Variants in TBL1XR1 observed in about 807,000 individuals in gnomAD.
TBL1XR1 encodes the protein TBL1X/Y related 1.
In TBL1XR1, 5 loss-of-function variants were observed where a neutral mutation model predicts 66.9. The ratio of observed to expected loss-of-function variants is 0.07; its 90% CI spans 0.04 to 0.16. The LOEUF is 0.16. Among genes scored for constraint, TBL1XR1 ranks in the 10% least tolerant of loss-of-function variants. The pLI is 1.00. For synonymous variants in TBL1XR1, 210 were observed against 206.0 expected (o/e 1.02, Z -0.17); for missense variants, 238 against 623.2 (o/e 0.38, Z 6.58).
At chr3:177,122,830 A>T (rs1397425810) in intron 1 of TBL1XR1, among the ~76,000 whole-genome samples, 1 of 152,130 alleles carries the variant, frequency 6.6e-6, no homozygotes, top group East Asian at 1.9e-4. Flanking sequence ...AATGAGCATC[A>T]ACAGTATCTT....
chr3:177,111,150 A>C (rs1725509332), intron 1 of TBL1XR1, among the ~76,000 whole-genome samples: 1 of 152,126 alleles, frequency 6.6e-6, no homozygotes, highest in South Asian at 2.1e-4. Context: ...TCTCCCTACT[A>C]TCATCACCAT....
chr3:177,188,601 G>A (rs1486818406), intron 1 of TBL1XR1, among the ~76,000 whole-genome samples: 1 of 152,060 alleles, frequency 6.6e-6, no homozygotes, highest in Non-Finnish European at 1.5e-5. Context: ...GACCCTTGCA[G>A]CCCAGAGTTT....
chr3:177,192,973 T>C (rs1280531685), intron 1 of TBL1XR1, among the ~76,000 whole-genome samples: 3 of 151,914 alleles, frequency 2.0e-5, no homozygotes, highest in Admixed American at 6.6e-5. Flanking sequence ...GCCAACATGC[T>C]GAAACCCCAT....
chr3:177,116,378 G>A (rs1726313148), intron 1 of TBL1XR1, among the ~76,000 whole-genome samples: 1 of 152,074 alleles, frequency 6.6e-6, no homozygotes, highest in African/African-American at 2.4e-5. Flanking sequence ...CTGTAAGTAA[G>A]CACTAAGCAC....
chr3:177,187,049 C>T (rs903165414), intron 1 of TBL1XR1, among the ~76,000 whole-genome samples: 1 of 152,030 alleles, frequency 6.6e-6, no homozygotes, highest in Non-Finnish European at 1.5e-5. Context: ...CCCCTGCAGT[C>T]CCAGCTACTC....
intron 1 of TBL1XR1, among the ~76,000 whole-genome samples, chr3:177,129,713 C>A (rs1728057314): frequency 6.6e-6 from 1 of 152,020 alleles, no homozygotes; most frequent in Non-Finnish European, 1.5e-5. Context: ...AAAAAAAGTA[C>A]AAGATACCGT....
chr3:177,148,583 C>T (rs942034001), intron 1 of TBL1XR1, among the ~76,000 whole-genome samples: 7 of 151,882 alleles, frequency 4.6e-5, no homozygotes, highest in African/African-American at 1.5e-4. Flanking sequence ...AGCATGGTGC[C>T]GCATGCCTGT....
chr3:177,139,016 TTAAC>T (rs1197991697), intron 1 of TBL1XR1, among the ~76,000 whole-genome samples: 39 of 152,202 alleles, frequency 2.6e-4, no homozygotes, highest in African/African-American at 8.9e-4. Flanking sequence ...GAAACATACT[TTAAC>T]TAACAATACT....
At chr3:177,025,880 C>T (rs1373564883) in intron 15 of TBL1XR1, 4 of 299,628 alleles carry the variant, frequency 1.3e-5, no homozygotes, top group African/African-American at 8.9e-5. Flanking sequence ...TAAATAGCTA[C>T]CCTTTTCCCA....
chr3:177,200,130 G>A (rs1392812486), upstream of TBL1XR1, among the ~76,000 whole-genome samples: 2 of 152,018 alleles, frequency 1.3e-5, no homozygotes, highest in East Asian at 1.9e-4. Context: ...GCACCACCAC[G>A]CCTGGCTAAT....
At chr3:177,119,255 G>A (rs1726694817) in intron 1 of TBL1XR1, among the ~76,000 whole-genome samples, 1 of 152,160 alleles carries the variant, frequency 6.6e-6, no homozygotes, top group Non-Finnish European at 1.5e-5. Flanking sequence ...TTACAGGCGT[G>A]AGCCACCGCA....
At chr3:177,099,475 G>A (rs2108673170) in intron 1 of TBL1XR1, 1 of 152,368 alleles carries the variant, frequency 6.6e-6, no homozygotes, top group South Asian at 2.1e-4. Context: ...GTTTTCTAAA[G>A]AGTAAAATCA....
chr3:177,100,779 T>G (rs1051797719), intron 1 of TBL1XR1, among the ~76,000 whole-genome samples: 1 of 152,036 alleles, frequency 6.6e-6, no homozygotes, highest in African/African-American at 2.4e-5. Flanking sequence ...TTTTCAGACA[T>G]CTATAAAATG....
At chr3:177,152,456 T>G (rs1482349922) in intron 1 of TBL1XR1, among the ~76,000 whole-genome samples, 1 of 152,098 alleles carries the variant, frequency 6.6e-6, no homozygotes, top group Admixed American at 6.5e-5. Context: ...CCGGCTAATT[T>G]TTGTATTTTT....
At chr3:177,071,204 G>C (rs1027850598) in intron 2 of TBL1XR1, among the ~76,000 whole-genome samples, 1 of 151,792 alleles carries the variant, frequency 6.6e-6, no homozygotes, top group Non-Finnish European at 1.5e-5. Flanking sequence ...CTAATTTTTT[G>C]TATTTTCAGT....
At chr3:177,197,825 G>C (rs952700966), upstream of TBL1XR1, among the ~76,000 whole-genome samples, 4 of 147,658 alleles carry the variant, frequency 2.7e-5, no homozygotes, top group Non-Finnish European at 4.5e-5. Context: ...GGCACTCGAA[G>C]GCGCCTCGGG....
chr3:177,162,134 G>C (rs1279036339), intron 1 of TBL1XR1, among the ~76,000 whole-genome samples: 1 of 152,184 alleles, frequency 6.6e-6, no homozygotes, highest in African/African-American at 2.4e-5. Flanking sequence ...GCTTTAGAAT[G>C]TTCACAGCAG....
chr3:177,035,413 ATTT>A (rs71798306), intron 12 of TBL1XR1, among the ~76,000 whole-genome samples: 2 of 130,796 alleles, frequency 1.5e-5, no homozygotes. Flanking sequence ...CCCTGCCCCA[ATTT>A]TTTTTTTTTT....
intron 1 of TBL1XR1, among the ~76,000 whole-genome samples, chr3:177,104,359 T>C (rs1185766961): frequency 6.6e-6 from 1 of 152,166 alleles, no homozygotes; most frequent in Non-Finnish European, 1.5e-5. Context: ...CTTAATCCGT[T>C]TTACAAAAAG....
Sources: allele counts gnomAD v4.1 joint callset (sites outside exome capture counted in the v4.1 genomes callset), GRCh38; gene constraint gnomAD v4.1.1; transcripts MANE v1.5; gene names NCBI Gene and HGNC (gene_info 2026-07-23, HGNC 2026-07-21).